The following PRPF39 variants were observed in gnomAD, a reference collection of about 807,000 sequenced individuals.
PRPF39 encodes the protein pre-mRNA processing factor 39, also known as pre-mRNA-processing factor 39.
Under a neutral mutation model 82.1 loss-of-function variants are expected in PRPF39, and 27 were observed. The ratio of observed to expected loss-of-function variants is 0.33; its 90% CI spans 0.24 to 0.45. PRPF39 has a LOEUF of 0.45. PRPF39 is among the 20% of genes least tolerant of loss of function. PRPF39 has a pLI of 1.00. For synonymous variants in PRPF39, 261 were observed against 256.4 expected, an observed-to-expected ratio of 1.02 and a Z score of -0.17; for missense variants, 581 against 796.9, an observed-to-expected ratio of 0.73 and a Z score of 3.26.
At chr14:45,102,478 A>T (rs900606901) in intron 4 of PRPF39, 51 bp from the exon 5 acceptor site, 20 of 1,415,088 alleles carry the variant, frequency 1.4e-5, no homozygotes, top group Non-Finnish European at 1.8e-5. Flanking sequence ...ATAATATTTT[A>T]AAAGTGATTT....
At chr14:45,097,822 AAAG>A in intron 4 of PRPF39, among the ~76,000 whole-genome samples, 1 of 152,344 alleles carries the variant, frequency 6.6e-6, no homozygotes, top group South Asian at 2.1e-4. Context: ...TTTTCAAAAA[AAAG>A]CATGTGCATA....
intron 10 of PRPF39, 121 bp from the exon 11 acceptor site, chr14:45,112,197 T>C: frequency 9.0e-6 from 8 of 888,554 alleles, no homozygotes; most frequent in Non-Finnish European, 1.3e-5. Context: ...TAGCATGAGT[T>C]GTATTTTAAT....
In PRPF39 at chr14:45,112,499, A is replaced by T; in HGVS notation, c.1754A>T (p.Asn585Ile). The T allele has an allele frequency of 6.7e-7, 1 of 1,498,936 alleles. No individual in the cohort carries two copies. 92.9% of individuals were successfully genotyped at this position (1,498,936 alleles called of 1,614,324 possible). Residue 585 changes from asparagine to isoleucine, a missense_variant, in exon 11 of 14, where the codon AAT becomes ATT. Transcript: ENST00000355765. ...CTTGAAGATTTTGGTTCCGATGTTA[A>T]TAAGTAAGATATTAGTTATATTACC... Reference protein sequence around the residue: ...EFLEDFGSDVNKLLNAYDEHQ... With the variant: ...EFLEDFGSDVIKLLNAYDEHQ...
rs1884829847 is a variant in PRPF39, at chr14:45,116,189, ACTG to A, written c.*1279_*1281del. 2 of 1,600,454 alleles carry A rather than the reference ACTG, an allele frequency of 1.2e-6. No individual in the cohort carries two copies. Among genetic ancestry groups the A allele is most frequent in the Non-Finnish European group, 8.6e-7 (1 of 1,167,816 alleles). The stretch of plus-strand genomic sequence containing the variant: ...TTGCTAATATCCTTAGAGCTGAAGC[ACTG>A]CTATTTCAATCAATATCCACTAATT... On this transcript the variant is annotated 3_prime_UTR_variant, in exon 14 of 14. Coordinates refer to ENST00000355765, the MANE Select transcript of PRPF39 (RefSeq NM_017922.4).
chr14:45,092,870 G>T (rs1884080533), intron 1 of PRPF39, among the ~76,000 whole-genome samples: 1 of 151,292 alleles, frequency 6.6e-6, no homozygotes, highest in Admixed American at 6.6e-5. Context: ...AGACGGTAGT[G>T]AAACTCAGAT....
chr14:45,103,544 A>G (rs1194902466), intron 5 of PRPF39, among the ~76,000 whole-genome samples: 1 of 152,100 alleles, frequency 6.6e-6, no homozygotes, highest in African/African-American at 2.4e-5. Context: ...CCAAAAGTAG[A>G]AGACTTTTAT....
intron 1 of PRPF39, among the ~76,000 whole-genome samples, chr14:45,093,043 C>A (rs182676962): frequency 5.9e-5 from 9 of 152,194 alleles, no homozygotes; most frequent in Non-Finnish European, 1.3e-4. Flanking sequence ...GTATGGAGAA[C>A]AATTGTTAAC....
intron 10 of PRPF39, among the ~76,000 whole-genome samples, chr14:45,111,489 C>T (rs1044753326): frequency 1.4e-4 from 22 of 151,936 alleles, no homozygotes; most frequent in African/African-American, 4.6e-4. Context: ...CATGCATCAC[C>T]GCGTCCGGCT....
chr14:45,089,293 C>A, intron 1 of PRPF39, among the ~76,000 whole-genome samples: 1 of 151,858 alleles, frequency 6.6e-6, no homozygotes, highest in Non-Finnish European at 1.5e-5. Context: ...AGACCAGGGT[C>A]CAACTTCATT....
intron 4 of PRPF39, among the ~76,000 whole-genome samples, chr14:45,102,032 C>A (rs1884391668): frequency 6.6e-6 from 1 of 152,020 alleles, no homozygotes; most frequent in Non-Finnish European, 1.5e-5. Flanking sequence ...ATCTTGAACT[C>A]CTGACCTAAG....
At chr14:45,089,016 G>C (rs1883933843) in intron 1 of PRPF39, among the ~76,000 whole-genome samples, 1 of 152,150 alleles carries the variant, frequency 6.6e-6, no homozygotes, top group African/African-American at 2.4e-5. Flanking sequence ...TTACAGATAT[G>C]ATATGCAAAT....
At chr14:45,114,291 C>G in intron 12 of PRPF39, 34 bp downstream of exon 12, 1 of 1,492,846 alleles carries the variant, frequency 6.7e-7, no homozygotes, top group Non-Finnish European at 9.2e-7. Context: ...AGAAGGCGTG[C>G]TTCATTATGG....
intron 1 of PRPF39, among the ~76,000 whole-genome samples, chr14:45,091,838 T>C (rs1884038644): frequency 6.6e-6 from 1 of 152,246 alleles, no homozygotes; most frequent in Non-Finnish European, 1.5e-5. Flanking sequence ...TGTTGATGAC[T>C]TAATTGGTTA....
chr14:45,099,147 C>T (rs938431181), intron 4 of PRPF39, among the ~76,000 whole-genome samples: 2 of 152,072 alleles, frequency 1.3e-5, no homozygotes, highest in African/African-American at 4.8e-5. Flanking sequence ...TAAAAATGAG[C>T]TTTGATGTGG....
intron 1 of PRPF39, among the ~76,000 whole-genome samples, chr14:45,086,107 T>C (rs1278605761): frequency 5.3e-5 from 8 of 152,008 alleles, no homozygotes; most frequent in Admixed American, 5.3e-4. Flanking sequence ...CCACGCCTAA[T>C]TTTTTGTATT....
intron 1 of PRPF39, among the ~76,000 whole-genome samples, chr14:45,084,718 C>T (rs1382754995): frequency 1.3e-5 from 2 of 152,096 alleles, no homozygotes; most frequent in African/African-American, 2.4e-5. Flanking sequence ...AACACTTTTG[C>T]GACCCTAAGT....
chr14:45,112,559 A>G (rs1336255219), intron 11 of PRPF39, 57 bp downstream of exon 11: 6 of 1,391,202 alleles, frequency 4.3e-6, no homozygotes, highest in Non-Finnish European at 5.6e-6. Flanking sequence ...ATATTTTTGT[A>G]TGGGGATTTG....
rs1475702784 is a variant in PRPF39 at position 45,110,335 on chromosome 14, A to G, written c.1303+115A>G. On this transcript the variant is annotated intron_variant, in intron 9 of 13. Transcript: ENST00000355765. This position sits in a 1 kb window ranked among gnomAD's most constrained non-coding sequence, Gnocchi z 4.0. ...GCAGAGTTTGGCAAACTTTTTCTCT[A>G]AAGGGCCAGATAGTAAAAGCCACGT... The G allele has an allele frequency of 7.1e-6, 10 of 1,412,548 alleles. No individual in the cohort carries two copies. The highest frequency in any genetic ancestry group is 9.5e-7 in the Non-Finnish European group (1 of 1,048,442). The allele number at this position is 1,412,548 out of a possible 1,614,324, so 87.5% of individuals were successfully genotyped here.
intron 10 of PRPF39, 21 bp from the exon 11 acceptor site, chr14:45,112,297 T>C (rs778104094): frequency 5.9e-6 from 9 of 1,535,438 alleles, no homozygotes; most frequent in African/African-American, 1.4e-5. Flanking sequence ...GAAATATTCA[T>C]TGATGCTGCT....
Sources: gnomAD v4.1 joint callset for allele counts (sites outside exome capture counted in the v4.1 genomes callset) on GRCh38, gnomAD v4.1.1 for gene constraint, Gnocchi (gnomAD v3.1) non-coding constraint, MANE v1.5 for transcripts, NCBI Gene and HGNC (gene_info 2026-07-23, HGNC 2026-07-21) for gene names.